The following SLC36A1 variants were observed in gnomAD, a reference collection of about 807,000 sequenced individuals.
SLC36A1 encodes proton-coupled amino acid transporter 1.
In SLC36A1, 30 loss-of-function variants were observed where a neutral mutation model predicts 47.5. That is an observed-to-expected ratio of 0.63 (90% CI 0.47 to 0.86). The LOEUF (loss-of-function observed/expected upper bound fraction) is 0.86. Ranked by LOEUF, SLC36A1 falls within the 40% of genes least tolerant of loss-of-function variation. The probability of loss-of-function intolerance (pLI) is 0.00; values close to 1 mark genes in which losing one functional copy is unlikely to be tolerated. For missense variants in SLC36A1, 517 were observed against 606.0 expected, an observed-to-expected ratio of 0.85 and a Z score of 1.54; for synonymous variants, 255 against 249.7, an observed-to-expected ratio of 1.02 and a Z score of -0.20.
chr5:151,537,729 G>C, the SLC36A1 span: 6 of 1,475,092 alleles, frequency 4.1e-6, no homozygotes, highest in African/African-American at 8.4e-5. Flanking sequence ...GAATACCATG[G>C]CACTGGGCAC....
the SLC36A1 span, chr5:151,503,987 A>AATCT: frequency 6.6e-6 from 1 of 152,184 alleles, no homozygotes; most frequent in Admixed American, 6.5e-5. Context: ...GTTGCTTGAC[A>AATCT]ATCTCTAGGA....
the SLC36A1 span, among the ~76,000 whole-genome samples, chr5:151,370,423 T>C: frequency 6.6e-6 from 1 of 152,080 alleles, no homozygotes; most frequent in Non-Finnish European, 1.5e-5. Context: ...TTTTTTTTGT[T>C]AGGCTCCATT....
At chr5:151,374,953 A>T in the SLC36A1 span, among the ~76,000 whole-genome samples, 1 of 149,004 alleles carries the variant, frequency 6.7e-6, no homozygotes, top group East Asian at 2.0e-4. Flanking sequence ...TAAATTCTGG[A>T]TATCAGTCCC....
At chr5:151,545,267 C>G in the SLC36A1 span, 1 of 1,614,088 alleles carries the variant, frequency 6.2e-7, no homozygotes, top group Non-Finnish European at 8.5e-7. Flanking sequence ...GAAATTTTTA[C>G]CAGCGCAGTG....
the SLC36A1 span, among the ~76,000 whole-genome samples, chr5:151,363,821 A>G: frequency 6.6e-6 from 1 of 152,186 alleles, no homozygotes. Context: ...AGTGAAAAAT[A>G]CACTAGAACC....
At chr5:151,353,267 G>A in the SLC36A1 span, among the ~76,000 whole-genome samples, 1 of 152,160 alleles carries the variant, frequency 6.6e-6, no homozygotes, top group Non-Finnish European at 1.5e-5. Context: ...TACAAATTGT[G>A]AAACTGAGGC....
chr5:151,347,554 C>G, the SLC36A1 span: 1 of 1,488,666 alleles, frequency 6.7e-7, no homozygotes, highest in South Asian at 1.1e-5. Flanking sequence ...TACACCCCAG[C>G]ACAGTGGTGT....
At chr5:151,404,085 T>C in the SLC36A1 span, among the ~76,000 whole-genome samples, 2 of 152,220 alleles carry the variant, frequency 1.3e-5, no homozygotes, top group South Asian at 2.1e-4. Flanking sequence ...GTTATATGAA[T>C]CCAGGTGCTC....
chr5:151,476,649 G>C lies in SLC36A1; in HGVS notation c.882G>C (p.Leu294=). Residue 294 remains leucine (L), a synonymous_variant, in exon 9 of 11, where the codon CTG becomes CTC. Coordinates refer to ENST00000243389, the MANE Select transcript of SLC36A1 (RefSeq NM_078483.4). The stretch of plus-strand genomic sequence containing the variant: ...GGAAGTTCCCACTCATCCTGTACCT[G>C]GGCATGGTCATCGTCACCATCCTCT... The part of the protein sequence containing the change: ...DPRKFPLILY[L]GMVIVTILYI... 1 of 1,612,754 alleles carries C rather than the reference G, an allele frequency of 6.2e-7. No individual in the cohort carries two copies. The highest frequency in any genetic ancestry group is 8.5e-7 in the Non-Finnish European group (1 of 1,179,372).
At chr5:151,405,763 G>A in the SLC36A1 span, among the ~76,000 whole-genome samples, 227 of 152,052 alleles carry the variant, frequency 1.5e-3, 2 homozygotes, top group Non-Finnish European at 2.9e-3. Context: ...TTTTACTTTT[G>A]GGGGTTTGAC....
the SLC36A1 span, among the ~76,000 whole-genome samples, chr5:151,424,087 C>G: frequency 2.6e-5 from 4 of 152,308 alleles, no homozygotes; most frequent in East Asian, 7.7e-4. Context: ...CATGAATGGG[C>G]AATAAGACAC....
chr5:151,428,655 C>T, the SLC36A1 span, among the ~76,000 whole-genome samples: 1 of 151,862 alleles, frequency 6.6e-6, no homozygotes, highest in East Asian at 1.9e-4. Flanking sequence ...TTTTTTTAGA[C>T]CGAGTCTCAC....
At chr5:151,367,269 G>A in the SLC36A1 span, among the ~76,000 whole-genome samples, 1 of 151,850 alleles carries the variant, frequency 6.6e-6, no homozygotes, top group Admixed American at 6.6e-5. Context: ...TGAGGGTTCT[G>A]CGGGAGACCA....
chr5:151,543,729 A>C, the SLC36A1 span: 1 of 1,614,108 alleles, frequency 6.2e-7, no homozygotes, highest in African/African-American at 1.3e-5. Flanking sequence ...TGATGTACAC[A>C]GGCACAGTTG....
chr5:151,373,607 T>C, the SLC36A1 span, among the ~76,000 whole-genome samples: 1 of 152,176 alleles, frequency 6.6e-6, no homozygotes, highest in Non-Finnish European at 1.5e-5. Flanking sequence ...TACTGGCAGA[T>C]CTGTTCTATA....
the SLC36A1 span, chr5:151,528,105 AG>A: frequency 3.7e-5 from 60 of 1,614,124 alleles, no homozygotes; most frequent in Non-Finnish European, 5.0e-5. Context: ...GTCACTATTT[AG>A]GGGTCCATCT....
At chr5:151,546,327 T>C in the SLC36A1 span, 1 of 1,611,294 alleles carries the variant, frequency 6.2e-7, no homozygotes, top group Admixed American at 1.7e-5. Flanking sequence ...TGAAGAAACC[T>C]TCGCTGTTCC....
At chr5:151,351,215 GA>G in the SLC36A1 span, among the ~76,000 whole-genome samples, 1 of 152,148 alleles carries the variant, frequency 6.6e-6, no homozygotes, top group Non-Finnish European at 1.5e-5. Context: ...CACCGATTGG[GA>G]AACTGAGGCC....
the SLC36A1 span, among the ~76,000 whole-genome samples, chr5:151,360,101 A>G: frequency 3.9e-5 from 6 of 152,186 alleles, no homozygotes; most frequent in East Asian, 7.7e-4. Context: ...TTAAAATTTT[A>G]TTTTTATTAA....
Sources: allele counts gnomAD v4.1 joint callset (sites outside exome capture counted in the v4.1 genomes callset), GRCh38; gene constraint gnomAD v4.1.1; transcripts MANE v1.5; gene names NCBI Gene and HGNC (gene_info 2026-07-23, HGNC 2026-07-21).